Variants in SIGLEC1 observed in about 807,000 individuals in gnomAD.
SIGLEC1 encodes sialoadhesin.
In SIGLEC1, 132 loss-of-function variants were observed where a neutral mutation model predicts 148.0. The ratio of observed to expected loss-of-function variants is 0.89; its 90% CI spans 0.77 to 1.03. The LOEUF (loss-of-function observed/expected upper bound fraction) is 1.03. Among genes scored for constraint, SIGLEC1 ranks in the 50% least tolerant of loss-of-function variants. The pLI is 0.00. For missense variants in SIGLEC1, 2,253 were observed against 2,271.4 expected, an observed-to-expected ratio of 0.99 and a Z score of 0.16; for synonymous variants, 945 against 969.0, an observed-to-expected ratio of 0.98 and a Z score of 0.46.
Position 3,694,206 on chromosome 20 carries a change from C to G in SIGLEC1, c.3256+15G>C. 6.3e-7 allele frequency: 1 copy of G among 1,595,914 alleles called. No homozygotes were observed. The highest frequency in any genetic ancestry group is 8.5e-7 in the Non-Finnish European group (1 of 1,173,040). On this transcript the variant is annotated intron_variant, in intron 13 of 21. Transcript: ENST00000344754. ...ACACACACACACACACACACACACA[C>G]ACACACACACTGACCTTGAGCGTCG...
rs1293596194 is a variant in SIGLEC1, at chr20:3,692,684, G to A, written c.3867C>T (p.Pro1289=). 1 of 1,613,096 alleles carries A rather than the reference G, an allele frequency of 6.2e-7. No homozygotes were observed. Among genetic ancestry groups the A allele is most frequent in the Non-Finnish European group, 8.5e-7 (1 of 1,180,032 alleles). The part of the protein sequence containing the change: ...VTCADPAAHA[P]TLYTWYHNGR... ...CGTTGTGGTACCAAGTATAGAGTGT[G>A]GGTGCGTGGGCAGCAGGGTCCGCAC... Residue 1289 remains proline (P), a synonymous_variant, in exon 16 of 22, where the codon CCC becomes CCT. Transcript: ENST00000344754.
chr20:3,697,116 C>T lies in SIGLEC1; in HGVS notation c.2349G>A (p.Gln783=). The change falls in exon 10 of 22, where the codon CAG becomes CAA. Residue 783 remains glutamine (Q), a synonymous_variant. Coordinates refer to ENST00000344754, the MANE Select transcript of SIGLEC1 (RefSeq NM_023068.4). ...CACTCAGGAGCACGGGAGTGGAGAG[C>T]TGGGCACCAGCCTCAGTCAGGATGC... ...ACRILTEAGA[Q]LSTPVLLSVL... The T allele has an allele frequency of 6.2e-7, 1 of 1,613,012 alleles. No individual in the cohort carries two copies. The highest frequency in any genetic ancestry group is 2.2e-5 in the East Asian group (1 of 44,868).
Position 3,699,309 on chromosome 20 carries a change from A to G in SIGLEC1, c.1679T>C (p.Leu560Pro). The G allele has an allele frequency of 6.2e-7, 1 of 1,608,850 alleles. No homozygotes were observed. ...AGTGCTGGAGGCCGCGGGGAGCAGG[A>G]GGCTGCTGCCGGGACCCTCGTGAAG... ...ALLHEGPGSS[L>P]LLPAASSTDA... Residue 560 changes from leucine (L) to proline (P), a missense_variant, in exon 8 of 22, where the codon CTC (leucine) becomes CCC (proline). Transcript: ENST00000344754.
In SIGLEC1 at chr20:3,688,250, G is replaced by A; in HGVS notation, c.*310C>T. ...CAAAGTCCAGGGTGACTTTCGAGGA[G>A]AAGGATGTGAAAGGGCAGGGCTTCC... On this transcript the variant is annotated 3_prime_UTR_variant, in exon 22 of 22. Transcript: ENST00000344754. The A allele has an allele frequency of 2.5e-6, 1 of 398,484 alleles. No individual in the cohort carries two copies. Among genetic ancestry groups the A allele is most frequent in the East Asian group, 5.6e-5 (1 of 17,864 alleles). 24.7% of individuals were successfully genotyped at this position (398,484 alleles called of 1,614,324 possible). A position where few individuals can be genotyped will look rare whatever the true frequency, so the allele number is the denominator to read the frequency against.
chr20:3,692,557 T>C lies in SIGLEC1; in HGVS notation c.3994A>G (p.Thr1332Ala). ...YSCQAQDAQG[T>A]RSSRPAALQV... ...AGGGCAGCAGGACGGGAGCTGCGGGTGCCCTGGGCATCCTGGGCCTGGCAA... is the reference window on the plus strand; with the variant it reads ...AGGGCAGCAGGACGGGAGCTGCGGGCGCCCTGGGCATCCTGGGCCTGGCAA... Residue 1332 changes from threonine (T) to alanine (A), a missense_variant, in exon 16 of 22, where the codon ACC becomes GCC. Coordinates refer to ENST00000344754, the MANE Select transcript of SIGLEC1 (RefSeq NM_023068.4). 1 of 1,606,436 alleles carries C rather than the reference T, an allele frequency of 6.2e-7. No homozygotes were observed. Among genetic ancestry groups the C allele is most frequent in the Non-Finnish European group, 8.5e-7 (1 of 1,178,892 alleles).
Position 3,687,309 on chromosome 20 carries a change from T to G in SIGLEC1, c.*1251A>C, listed in dbSNP as rs899893020. The G allele has an allele frequency of 1.3e-5, 2 of 152,296 alleles. No homozygotes were observed. The highest frequency in any genetic ancestry group is 2.9e-5 in the Non-Finnish European group (2 of 68,076). The allele number at this position is 152,296 out of a possible 1,614,324, so 9.4% of individuals were successfully genotyped here. On this transcript the variant is annotated 3_prime_UTR_variant, in exon 22 of 22. Transcript: ENST00000344754. Reference sequence around the variant, plus strand: ...GTCATTCCTTCTTGGTAACTCATTCTCTTTAACAGCCCGACACAGGGTCTC... The same window carrying G: ...GTCATTCCTTCTTGGTAACTCATTCGCTTTAACAGCCCGACACAGGGTCTC...
intron 20 of SIGLEC1, 60 bp from the exon 21 acceptor site, chr20:3,689,287 C>T: frequency 2.1e-6 from 3 of 1,419,070 alleles, no homozygotes; most frequent in Non-Finnish European, 3.0e-6. Context: ...GCCCCCATTC[C>T]TCTCCCGCTC....
chr20:3,691,300 A>G (rs202190880), intron 18 of SIGLEC1, 40 bp downstream of exon 18: 22 of 1,608,122 alleles, frequency 1.4e-5, no homozygotes, highest in Non-Finnish European at 1.9e-5. Flanking sequence ...GGCGTGTGAG[A>G]TGTGGGGAGA....
chr20:3,692,611 C>T lies in SIGLEC1; in HGVS notation c.3940G>A (p.Ala1314Thr). ...GPAASLSFLV[A>T]TRAHAGAYSC... is the part of the protein sequence containing the mutation. ...TAGGCGCCTGCATGAGCCCGCGTGG[C>T]CACCAGGAATGAGAGTGAGGCAGCT... The change falls in exon 16 of 22, where the codon GCC becomes ACC. Residue 1314 changes from alanine to threonine, a missense_variant. Physicochemically the swap from Ala to Thr is moderately conservative, Grantham distance 58. Coordinates refer to ENST00000344754, the MANE Select transcript of SIGLEC1 (RefSeq NM_023068.4). 2 of 1,612,902 alleles carry T rather than the reference C, an allele frequency of 1.2e-6. No individual in the cohort carries two copies. The highest frequency in any genetic ancestry group is 1.1e-5 in the South Asian group (1 of 91,088).
In SIGLEC1 at chr20:3,699,256, G is replaced by C. The variant is rs368208746; in HGVS notation, c.1732C>G (p.Arg578Gly). 2.5e-6 allele frequency: 4 copies of C among 1,609,816 alleles called. No homozygotes were observed. The highest frequency in any genetic ancestry group is 3.4e-6 in the Non-Finnish European group (4 of 1,178,832). Residue 578 changes from arginine to glycine, a missense_variant, in exon 8 of 22, where the codon CGG (arginine) becomes GGG (glycine). Arg to Gly is a moderately radical substitution (Grantham distance 125, BLOSUM62 -2). Transcript: ENST00000344754. ...GGGCCACTGGCACTGTGGCCGTCCC[G>C]GGCCCGGCAGTGGTATGAGCCGGCG... ...TDAGSYHCRA[R>G]DGHSASGPSS...
rs2146523962 is a variant in SIGLEC1 at position 3,696,728 on chromosome 20, A to G, written c.2541T>C (p.His847=). The G allele has an allele frequency of 6.2e-7, 1 of 1,613,652 alleles. No individual in the cohort carries two copies. Among genetic ancestry groups the G allele is most frequent in the Non-Finnish European group, 8.5e-7 (1 of 1,180,036 alleles). The part of the protein sequence containing the change: ...ATSLGPQVPS[H]GRFQAKAEAN... ...CCTCAGCTTTAGCCTGGAACCGACC[A>G]TGGGATGGGACCTGGGGACCCAGGC... Residue 847 remains histidine, a synonymous_variant, in exon 11 of 22, where the codon CAT becomes CAC. Coordinates refer to ENST00000344754, the MANE Select transcript of SIGLEC1 (RefSeq NM_023068.4).
intron 1 of SIGLEC1, among the ~76,000 whole-genome samples, chr20:3,708,981 G>T (rs2087914033): frequency 1.4e-5 from 2 of 144,414 alleles, no homozygotes; most frequent in Admixed American, 7.3e-5. Context: ...GGAGGCGGAG[G>T]TCACGGTGAG....
intron 1 of SIGLEC1, among the ~76,000 whole-genome samples, chr20:3,709,448 G>A (rs542487416): frequency 1.6e-4 from 24 of 152,326 alleles, no homozygotes; most frequent in Non-Finnish European, 1.8e-4. Context: ...GTGAGGATGC[G>A]AAGTTGAAAT....
Position 3,697,156 on chromosome 20 carries a change from G to A in SIGLEC1, c.2309C>T (p.Ala770Val). 1 of 1,613,792 alleles carries A rather than the reference G, an allele frequency of 6.2e-7. No homozygotes were observed. Among genetic ancestry groups the A allele is most frequent in the Non-Finnish European group, 8.5e-7 (1 of 1,180,036 alleles). The change falls in exon 10 of 22, where the codon GCC becomes GTC. Residue 770 changes from alanine (A) to valine (V), a missense_variant. Coordinates refer to ENST00000344754, the MANE Select transcript of SIGLEC1 (RefSeq NM_023068.4). ...TLLPVARTDA[A>V]LYACRILTEA... ...AGTCAGGATGCGGCAGGCGTAAAGG[G>A]CAGCATCAGTTCTGGCCACGGGCAG...
At chr20:3,691,839 C>T in intron 17 of SIGLEC1, 64 bp downstream of exon 17, 1 of 1,506,540 alleles carries the variant, frequency 6.6e-7, no homozygotes. Flanking sequence ...GGAGCTCCAG[C>T]CCCTCTCGTG....
intron 18 of SIGLEC1, among the ~76,000 whole-genome samples, chr20:3,690,965 G>A (rs571772043): frequency 1.3e-5 from 2 of 151,872 alleles, no homozygotes; most frequent in East Asian, 3.9e-4. Context: ...TGAATAGCTG[G>A]GATTACAGGT....
At position 3,692,923 on chromosome 20, in the gene SIGLEC1, G is replaced by A. The variant is rs545789427; in HGVS notation, c.3717C>T (p.Tyr1239=). The A allele has an allele frequency of 9.9e-6, 16 of 1,612,552 alleles. No homozygotes were observed. Among genetic ancestry groups the A allele is most frequent in the Middle Eastern group, 3.3e-4 (2 of 6,060 alleles). ...RGPQPRDEGF[Y]SCSARSPLGQ... is the part of the protein sequence containing the mutation. Reference sequence around the variant, plus strand: ...CCAGAGGGCTGCGGGCAGAGCAGCTGTAGAAACCCTCATCCCTGGGCTGTG... The same window carrying A: ...CCAGAGGGCTGCGGGCAGAGCAGCTATAGAAACCCTCATCCCTGGGCTGTG... Residue 1239 remains tyrosine (Y), a synonymous_variant, in exon 15 of 22, where the codon TAC becomes TAT. Coordinates refer to ENST00000344754, the MANE Select transcript of SIGLEC1 (RefSeq NM_023068.4).
At chr20:3,707,012 A>G in intron 2 of SIGLEC1, 68 bp downstream of exon 2, 1 of 1,511,518 alleles carries the variant, frequency 6.6e-7, no homozygotes, top group Non-Finnish European at 9.2e-7. Context: ...GGCATAGTCT[A>G]ATCTGCCAAG....
chr20:3,692,487 C>G, intron 16 of SIGLEC1, 34 bp downstream of exon 16: 1 of 1,552,574 alleles, frequency 6.4e-7, no homozygotes. Context: ...CCACCCTCCT[C>G]CTGGGCAGCC....
Sources: allele counts gnomAD v4.1 joint callset (sites outside exome capture counted in the v4.1 genomes callset), GRCh38; gene constraint gnomAD v4.1.1; transcripts MANE v1.5; gene names NCBI Gene and HGNC (gene_info 2026-07-23, HGNC 2026-07-21).